The following NXPH1 variants were observed in gnomAD, a reference collection of about 807,000 sequenced individuals.
NXPH1 encodes the protein neurexophilin 1.
A neutral mutation model predicts 23.7 loss-of-function variants in NXPH1; 5 were observed. The ratio of observed to expected loss-of-function variants is 0.21; its 90% CI spans 0.11 to 0.44. The LOEUF (loss-of-function observed/expected upper bound fraction) is 0.44. Ranked by LOEUF, NXPH1 falls within the 20% of genes least tolerant of loss-of-function variation. The probability of loss-of-function intolerance (pLI) is 0.99; values close to 1 mark genes in which losing one functional copy is unlikely to be tolerated. For missense variants in NXPH1, 324 were observed against 321.6 expected (o/e 1.01, Z -0.06); for synonymous variants, 144 against 122.2 (o/e 1.18, Z -1.18).
chr7:8,477,433 C>T (rs1045428337), intron 2 of NXPH1, among the ~76,000 whole-genome samples: 1 of 152,040 alleles, frequency 6.6e-6, no homozygotes, highest in Non-Finnish European at 1.5e-5. Flanking sequence ...AGCTAATAAA[C>T]ATACATTTTG....
intron 2 of NXPH1, among the ~76,000 whole-genome samples, chr7:8,736,767 C>T (rs1476946854): frequency 6.6e-6 from 1 of 152,116 alleles, no homozygotes; most frequent in Non-Finnish European, 1.5e-5. Flanking sequence ...GTCTAAGTCT[C>T]TTTTTAGGTG....
intron 2 of NXPH1, among the ~76,000 whole-genome samples, chr7:8,596,824 T>A (rs1315054766): frequency 6.6e-6 from 1 of 152,132 alleles, no homozygotes; most frequent in Non-Finnish European, 1.5e-5. Context: ...GCTTTTACTT[T>A]GGGAGTAGTG....
intron 2 of NXPH1, among the ~76,000 whole-genome samples, chr7:8,480,000 T>G (rs1465674480): frequency 1.3e-5 from 2 of 152,046 alleles, no homozygotes; most frequent in South Asian, 2.1e-4. Context: ...ATAAATAAAA[T>G]TAGAGATGTC....
At chr7:8,748,818 A>G (rs554648542) in intron 2 of NXPH1, among the ~76,000 whole-genome samples, 1 of 152,294 alleles carries the variant, frequency 6.6e-6, no homozygotes, top group South Asian at 2.1e-4. Flanking sequence ...ATGAATTTTC[A>G]TGGAGACAAA....
In NXPH1 at chr7:8,710,555, A is replaced by G. The variant is rs377736888; in HGVS notation, c.55-40453A>G. ...AGGGGAAACATGATAATCAAATGAC[A>G]TTGAAGGCCAAAATCAACTGCCAAA... On this transcript the variant is annotated intron_variant, in intron 2 of 2. Coordinates refer to ENST00000405863, the MANE Select transcript of NXPH1 (RefSeq NM_152745.3). 2.0e-4 allele frequency among the ~76,000 whole-genome samples: 31 copies of G among 152,060 alleles called. No homozygotes were observed. The South Asian group carries it at 6.4e-3, about 32-fold the overall frequency.
At chr7:8,489,672 C>G (rs1234296247) in intron 2 of NXPH1, among the ~76,000 whole-genome samples, 5 of 152,060 alleles carry the variant, frequency 3.3e-5, no homozygotes, top group Non-Finnish European at 7.4e-5. Flanking sequence ...GCTCAAGATT[C>G]CTGCTTTGCT....
chr7:8,670,212 C>G (rs1820845936), intron 2 of NXPH1, among the ~76,000 whole-genome samples: 1 of 152,158 alleles, frequency 6.6e-6, no homozygotes, highest in African/African-American at 2.4e-5. Flanking sequence ...TTATTCCTCT[C>G]CCTCTCCTAA....
intron 2 of NXPH1, among the ~76,000 whole-genome samples, chr7:8,566,871 A>T (rs1818557209): frequency 6.6e-6 from 1 of 151,132 alleles, no homozygotes; most frequent in Admixed American, 6.6e-5. Context: ...TCTCTCTCTC[A>T]TCTATCTATC....
intron 2 of NXPH1, among the ~76,000 whole-genome samples, chr7:8,536,467 G>A (rs1818027850): frequency 6.6e-6 from 1 of 151,958 alleles, no homozygotes; most frequent in African/African-American, 2.4e-5. Flanking sequence ...CTGAAGTCAC[G>A]AATGGCTCTT....
At chr7:8,503,486 A>T (rs1817472026) in intron 2 of NXPH1, among the ~76,000 whole-genome samples, 1 of 151,916 alleles carries the variant, frequency 6.6e-6, no homozygotes, top group Admixed American at 6.6e-5. Context: ...ACATTTACAG[A>T]CATCTTTAAA....
intron 2 of NXPH1, among the ~76,000 whole-genome samples, chr7:8,695,736 CT>C (rs1821298935): frequency 2.0e-5 from 3 of 152,106 alleles, no homozygotes; most frequent in Non-Finnish European, 2.9e-5. Context: ...GCACTCAAAA[CT>C]TTTTTATAAA....
At chr7:8,606,998 T>C (rs17152395) in intron 2 of NXPH1, among the ~76,000 whole-genome samples, 5,868 of 152,266 alleles carry the variant, frequency 0.039, 307 homozygotes, top group East Asian at 0.17. Flanking sequence ...TCTTAGTAAA[T>C]TTGGTAATCT....
rs979498885 is a variant in NXPH1, at chr7:8,727,615, G to T, written c.55-23393G>T. On this transcript the variant is annotated intron_variant, in intron 2 of 2. Coordinates refer to ENST00000405863, the MANE Select transcript of NXPH1 (RefSeq NM_152745.3). Reference sequence around the variant, plus strand: ...AGGGAATCCTTTCCCCATTGCTTGTGTTTCTCAGGTTTGTCAAAGATCAGA... The same window carrying T: ...AGGGAATCCTTTCCCCATTGCTTGTTTTTCTCAGGTTTGTCAAAGATCAGA... 9.9e-4 allele frequency among the ~76,000 whole-genome samples: 151 copies of T among 152,154 alleles called. 1 individual carries two copies. Among genetic ancestry groups the T allele is most frequent in the East Asian group, 3.7e-3 (19 of 5,172 alleles).
chr7:8,677,229 A>C (rs941410244), intron 2 of NXPH1, among the ~76,000 whole-genome samples: 1 of 152,234 alleles, frequency 6.6e-6, no homozygotes, highest in African/African-American at 2.4e-5. Flanking sequence ...CCAGGTTGAT[A>C]ATGACAGAAT....
At chr7:8,589,293 C>A (rs544045727) in intron 2 of NXPH1, among the ~76,000 whole-genome samples, 1 of 152,122 alleles carries the variant, frequency 6.6e-6, no homozygotes, top group African/African-American at 2.4e-5. Flanking sequence ...TTGGCAGGCC[C>A]GGTCACTTGC....
chr7:8,596,475 G>T (rs533990242), intron 2 of NXPH1, among the ~76,000 whole-genome samples: 16 of 152,156 alleles, frequency 1.1e-4, no homozygotes, highest in African/African-American at 3.9e-4. Flanking sequence ...TTATTGGAAT[G>T]AACTTTACTA....
intron 2 of NXPH1, among the ~76,000 whole-genome samples, chr7:8,656,728 G>A (rs10230086): frequency 0.71 from 105,490 of 149,382 alleles, 37,969 homozygotes; most frequent in East Asian, 1. Context: ...AGAGTGTGAT[G>A]TTCCCCTTCC....
chr7:8,697,048 C>CT (rs1779540011), intron 2 of NXPH1, among the ~76,000 whole-genome samples: 1 of 149,478 alleles, frequency 6.7e-6, no homozygotes. Flanking sequence ...ATCCCAGCTA[C>CT]TAAGGAGGCT....
intron 2 of NXPH1, among the ~76,000 whole-genome samples, chr7:8,717,911 T>TATATATATAC (rs1465301244): frequency 2.0e-5 from 3 of 150,978 alleles, no homozygotes; most frequent in Non-Finnish European, 2.9e-5. Flanking sequence ...TATATATATA[T>TATATATATAC]ACACAACATG....
Sources: allele counts gnomAD v4.1 joint callset (sites outside exome capture counted in the v4.1 genomes callset), GRCh38; gene constraint gnomAD v4.1.1; transcripts MANE v1.5; gene names NCBI Gene and HGNC (gene_info 2026-07-23, HGNC 2026-07-21).